Variants in PARP1 observed in about 807,000 individuals in gnomAD.
PARP1 encodes poly [ADP-ribose] polymerase 1.
Under a neutral mutation model 118.7 loss-of-function variants are expected in PARP1, and 44 were observed. The ratio of observed to expected loss-of-function variants is 0.37; its 90% confidence interval spans 0.29 to 0.48. PARP1 has a LOEUF of 0.48. Ranked by LOEUF, PARP1 falls within the 20% of genes least tolerant of loss-of-function variation. PARP1 has a pLI of 0.99. For synonymous variants in PARP1, 492 were observed against 483.2 expected (o/e 1.02, Z -0.24); for missense variants, 1,100 against 1,272.4 (o/e 0.86, Z 2.06).
Position 226,361,194 on chromosome 1 carries a change from C to T in PARP1, c.*266G>A, listed in dbSNP as rs919327008. 3.7e-6 allele frequency: 2 copies of T among 545,776 alleles called. No homozygotes were observed. Among genetic ancestry groups the T allele is most frequent in the Non-Finnish European group, 6.6e-6 (2 of 302,650 alleles). 33.8% of individuals were successfully genotyped at this position (545,776 alleles called of 1,614,324 possible). A position where few individuals can be genotyped will look rare whatever the true frequency, so the allele number is the denominator to read the frequency against. ...CTAGTCTATGCAACAGAATCTCTCT[C>T]CAGCCTTTTCTCTATGTCAGTTTTA... is the stretch of plus-strand genomic sequence containing the variant. On this transcript the variant is annotated 3_prime_UTR_variant, in exon 23 of 23. Transcript: ENST00000366794.
chr1:226,407,485 C>A (rs1665173219), intron 1 of PARP1, among the ~76,000 whole-genome samples: 1 of 152,134 alleles, frequency 6.6e-6, no homozygotes, highest in South Asian at 2.1e-4. Flanking sequence ...GTACAATTCC[C>A]CCCCAACCCC....
At chr1:226,383,789 G>C (rs772822856) in intron 7 of PARP1, among the ~76,000 whole-genome samples, 1 of 152,154 alleles carries the variant, frequency 6.6e-6, no homozygotes, top group Non-Finnish European at 1.5e-5. Flanking sequence ...CACTCAATAA[G>C]TATCAAATAC....
At chr1:226,372,444 G>A (rs1178926403) in intron 14 of PARP1, among the ~76,000 whole-genome samples, 1 of 152,232 alleles carries the variant, frequency 6.6e-6, no homozygotes, top group East Asian at 1.9e-4. Flanking sequence ...GGCTGAGGCA[G>A]GTGGATCATC....
Position 226,379,186 on chromosome 1 carries a change from G to C in PARP1, c.1701C>G (p.Asn567Lys). The change falls in exon 12 of 23, where the codon AAC becomes AAG. Residue 567 changes from asparagine to lysine, a missense_variant. By Grantham distance (94) the Asn-to-Lys change is moderately conservative. Transcript: ENST00000366794. ...CCAGAAGCTGCAGCTTGTAGTAGGAGTTGGTTCCTTTAACGATGTCCACCA... is the reference window on the plus strand; with the variant it reads ...CCAGAAGCTGCAGCTTGTAGTAGGACTTGGTTCCTTTAACGATGTCCACCA... ...LGLVDIVKGT[N>K]SYYKLQLLED... 6.2e-7 allele frequency: 1 copy of C among 1,614,240 alleles called. No individual in the cohort carries two copies. The highest frequency in any genetic ancestry group is 8.5e-7 in the Non-Finnish European group (1 of 1,180,034).
chr1:226,389,277 CAAG>C (rs1664779536), intron 4 of PARP1, among the ~76,000 whole-genome samples: 1 of 152,080 alleles, frequency 6.6e-6, no homozygotes, highest in Admixed American at 6.5e-5. Context: ...AAAGCCCTGA[CAAG>C]AAGTGACAGT....
At position 226,385,521 on chromosome 1, in the gene PARP1, C is replaced by T; in HGVS notation, c.994G>A (p.Glu332Lys). Residue 332 changes from glutamate (E) to lysine (K), a missense_variant, in exon 7 of 23, where the codon GAG becomes AAG. Glu to Lys is a moderately conservative substitution (Grantham distance 56). This residue lies in a region of PARP1 where 948 missense variants were observed against 1,031.8 expected (regional missense o/e 0.92). Coordinates refer to ENST00000366794, the MANE Select transcript of PARP1 (RefSeq NM_001618.4). Reference sequence around the variant, plus strand: ...CCCCTTACCTTTGGGGTTACCCACTCCTTCCGGTTGGGTGTCTGTGTCTTG... The same window carrying T: ...CCCCTTACCTTTGGGGTTACCCACTTCTTCCGGTTGGGTGTCTGTGTCTTG... ...MVKTQTPNRKEWVTPKEFREI... is the reference protein window; with the variant it reads ...MVKTQTPNRKKWVTPKEFREI... 1 of 1,614,104 alleles carries T rather than the reference C, an allele frequency of 6.2e-7. No individual in the cohort carries two copies. Among genetic ancestry groups the T allele is most frequent in the Non-Finnish European group, 8.5e-7 (1 of 1,179,988 alleles).
At chr1:226,386,613 G>A (rs1044566262) in intron 5 of PARP1, among the ~76,000 whole-genome samples, 171 bp from the exon 6 acceptor site, 2 of 152,162 alleles carry the variant, frequency 1.3e-5, no homozygotes, top group Non-Finnish European at 2.9e-5. Context: ...ATGCTCCTGT[G>A]GACACCAAAT....
chr1:226,379,333 C>A, intron 11 of PARP1, 59 bp from the exon 12 acceptor site: 1 of 1,605,538 alleles, frequency 6.2e-7, no homozygotes, highest in Non-Finnish European at 8.5e-7. Flanking sequence ...AGCACTCTCA[C>A]GGAGAAGGGA....
At chr1:226,404,683 G>T in intron 1 of PARP1, among the ~76,000 whole-genome samples, 1 of 152,352 alleles carries the variant, frequency 6.6e-6, no homozygotes, top group Non-Finnish European at 1.5e-5. Context: ...GACTGAGAAT[G>T]ATGTGGCAGA....
At chr1:226,379,036 C>G (rs1664549414) in intron 12 of PARP1, 106 bp downstream of exon 12, 3 of 1,364,194 alleles carry the variant, frequency 2.2e-6, no homozygotes, top group Non-Finnish European at 3.1e-6. Flanking sequence ...GATTTCATTC[C>G]CCAGGCACTG....
intron 2 of PARP1, chr1:226,393,019 T>C (rs766211792): frequency 6.6e-7 from 1 of 1,513,742 alleles, no homozygotes; most frequent in Admixed American, 2.6e-5. Flanking sequence ...AAACACAAGG[T>C]GTAAGTTTGG....
chr1:226,394,728 T>C (rs551524863), intron 2 of PARP1, among the ~76,000 whole-genome samples: 1 of 152,118 alleles, frequency 6.6e-6, no homozygotes, highest in Non-Finnish European at 1.5e-5. Context: ...TAGGCTGTGA[T>C]CGTTCCACTG....
intron 2 of PARP1, chr1:226,392,875 C>T (rs1664846584): frequency 1.3e-6 from 2 of 1,529,908 alleles, no homozygotes; most frequent in Non-Finnish European, 1.7e-6. Flanking sequence ...CTGGATTCTT[C>T]TCTTATTATA....
chr1:226,378,618 C>T (rs570807768), intron 12 of PARP1, among the ~76,000 whole-genome samples: 4 of 152,006 alleles, frequency 2.6e-5, no homozygotes, highest in African/African-American at 7.3e-5. Context: ...GAGGCTGAGG[C>T]GGGAGGATCA....
intron 10 of PARP1, 80 bp downstream of exon 10, chr1:226,379,842 G>A (rs1664569419): frequency 1.9e-6 from 3 of 1,603,142 alleles, no homozygotes; most frequent in Non-Finnish European, 2.6e-6. Context: ...GGGACACAAA[G>A]GGAGAGGTTC....
chr1:226,372,220 G>A (rs531469776), intron 14 of PARP1, among the ~76,000 whole-genome samples: 59 of 152,332 alleles, frequency 3.9e-4, no homozygotes, highest in Non-Finnish European at 7.4e-4. Context: ...TTCTCCACAT[G>A]GTTACCCCAA....
chr1:226,368,802 T>G (rs750329836), intron 15 of PARP1, among the ~76,000 whole-genome samples: 2 of 152,206 alleles, frequency 1.3e-5, no homozygotes, highest in African/African-American at 2.4e-5. Context: ...ACCTGGAGGT[T>G]GAGGTGGCCA....
At position 226,390,096 on chromosome 1, in the gene PARP1, TA is replaced by T. The variant is rs559333936; in HGVS notation, c.617+313del. On this transcript the variant is annotated intron_variant, in intron 4 of 22. Coordinates refer to ENST00000366794, the MANE Select transcript of PARP1 (RefSeq NM_001618.4). ...GAAGGAAGGTGGTCTTTTAAGTATC[TA>T]AAGGGTTGTGGTGGGAAAGTGTAGT... Among the ~76,000 whole-genome samples, 344 of 152,232 alleles carry T rather than the reference TA, an allele frequency of 2.3e-3. 2 individuals are homozygous for T. The highest frequency in any genetic ancestry group is 3.9e-3 in the Non-Finnish European group (265 of 68,010).
chr1:226,402,520 AAGG>A, intron 1 of PARP1, 141 bp from the exon 2 acceptor site: 2 of 798,968 alleles, frequency 2.5e-6, no homozygotes, highest in South Asian at 1.5e-5. Context: ...CTATCTGTGA[AAGG>A]AGGACAGCCT....
Sources: allele counts gnomAD v4.1 joint callset (sites outside exome capture counted in the v4.1 genomes callset), GRCh38; gene constraint gnomAD v4.1.1; regional missense constraint gnomAD v4.1.1; transcripts MANE v1.5; gene names NCBI Gene and HGNC (gene_info 2026-07-23, HGNC 2026-07-21).